Variants in TOMM40L observed in about 807,000 individuals in gnomAD.
TOMM40L encodes translocase of outer mitochondrial membrane 40 like, also known as mitochondrial import receptor subunit TOM40B.
In TOMM40L, 17 loss-of-function variants were observed where a neutral mutation model predicts 38.3. The observed-to-expected ratio is 0.44, with a 90% CI of 0.30 to 0.67. TOMM40L has a LOEUF of 0.67. TOMM40L is among the 30% of genes least tolerant of loss of function. The pLI, the probability that TOMM40L is intolerant of heterozygous loss-of-function variation, is 0.08. For missense variants in TOMM40L, 294 were observed against 390.0 expected, an observed-to-expected ratio of 0.75 and a Z score of 2.07; for synonymous variants, 151 against 150.2, an observed-to-expected ratio of 1.01 and a Z score of -0.04.
At position 161,229,535 on chromosome 1, in the gene TOMM40L, C is replaced by T; in HGVS notation, c.*440C>T. 8.7e-7 allele frequency: 1 copy of T among 1,153,566 alleles called. No homozygotes were observed. The highest frequency in any genetic ancestry group is 1.2e-6 in the Non-Finnish European group (1 of 813,814). 71.5% of individuals were successfully genotyped at this position (1,153,566 alleles called of 1,614,324 possible). A position where few individuals can be genotyped will look rare whatever the true frequency, so the allele number is the denominator to read the frequency against. ...ATGTTTGGTCTCAGGAAGTGGGGCC[C>T]ACCCATTCCCAGAAGGAGCTTCTTT... On this transcript the variant is annotated 3_prime_UTR_variant, in exon 10 of 10. Coordinates refer to ENST00000367988, the MANE Select transcript of TOMM40L (RefSeq NM_032174.6).
Position 161,229,279 on chromosome 1 carries a change from A to G in TOMM40L, c.*184A>G. The G allele has an allele frequency of 1.3e-6, 1 of 781,890 alleles. No individual in the cohort carries two copies. The highest frequency in any genetic ancestry group is 2.0e-6 in the Non-Finnish European group (1 of 499,534). 48.4% of individuals were successfully genotyped at this position (781,890 alleles called of 1,614,324 possible). ...GCCACAGGGGCAGTTGATGAGGCAG[A>G]GGTTTGAGGATCCCCCCTCTGCTAC... On this transcript the variant is annotated 3_prime_UTR_variant, in exon 10 of 10. Transcript: ENST00000367988.
rs1666922945 is a variant in TOMM40L at position 161,230,512 on chromosome 1, A to G, written c.*1417A>G. On this transcript the variant is annotated 3_prime_UTR_variant, in exon 10 of 10. Coordinates refer to ENST00000367988, the MANE Select transcript of TOMM40L (RefSeq NM_032174.6). ...TTAGTCTGGAGAAGTTGGACTAGTG[A>G]GGTAATGGATGTCATCAATCTCAGG... 1 of 532,662 alleles carries G rather than the reference A, an allele frequency of 1.9e-6. No individual in the cohort carries two copies. The highest frequency in any genetic ancestry group is 3.3e-6 in the Non-Finnish European group (1 of 303,850). 33.0% of individuals were successfully genotyped at this position (532,662 alleles called of 1,614,324 possible).
At position 161,228,409 on chromosome 1, in the gene TOMM40L, T is replaced by C. The variant is rs1366630488; in HGVS notation, c.608-19T>C. The C allele has an allele frequency of 2.5e-6, 4 of 1,613,942 alleles. No homozygotes were observed. The highest frequency in any genetic ancestry group is 3.3e-5 in the Admixed American group (2 of 59,974). The stretch of plus-strand genomic sequence containing the variant: ...ACTACAGTTAACACTCCTTCCCCTC[T>C]GTACTTTGGATTTTACAGCTGTACA... On this transcript the variant is annotated intron_variant, in intron 7 of 9. Transcript: ENST00000367988.
intron 6 of TOMM40L, 54 bp downstream of exon 6, chr1:161,228,043 A>C (rs1314066991): frequency 1.9e-6 from 3 of 1,604,336 alleles, no homozygotes. Flanking sequence ...TGCTAATGTT[A>C]CTATGCCTCT....
rs756319764 is a variant in TOMM40L at position 161,228,208 on chromosome 1, G to A, written c.507G>A (p.Leu169=). 6 of 1,600,336 alleles carry A rather than the reference G, an allele frequency of 3.7e-6. No homozygotes were observed. Among genetic ancestry groups the A allele is most frequent in the African/African-American group, 1.3e-5 (1 of 74,678 alleles). ...CAGTGATCATGGTTGCTCACTTCCT[G>A]CAGAGCCTCACTCATCGGCTGGTGC... is the stretch of plus-strand genomic sequence containing the variant. ...GESVIMVAHF[L]QSLTHRLVLG... is the part of the protein sequence containing the mutation. The change falls in exon 7 of 10, where the codon CTG becomes CTA. Residue 169 remains leucine, a synonymous_variant. Coordinates refer to ENST00000367988, the MANE Select transcript of TOMM40L (RefSeq NM_032174.6).
chr1:161,228,062 T>A (rs568286321), intron 6 of TOMM40L, 73 bp downstream of exon 6: 79 of 1,599,284 alleles, frequency 4.9e-5, no homozygotes, highest in Non-Finnish European at 6.6e-5. Context: ...CTTCATCTTC[T>A]GTACAGTTTG....
Position 161,230,370 on chromosome 1 carries a change from T to C in TOMM40L, c.*1275T>C. ...TGGATAAATCACAGACTATTGAACCTGGAACTGGCTTTGACCATGAAACTG... is the reference window on the plus strand; with the variant it reads ...TGGATAAATCACAGACTATTGAACCCGGAACTGGCTTTGACCATGAAACTG... On this transcript the variant is annotated 3_prime_UTR_variant, in exon 10 of 10. Coordinates refer to ENST00000367988, the MANE Select transcript of TOMM40L (RefSeq NM_032174.6). 2 of 326,204 alleles carry C rather than the reference T, an allele frequency of 6.1e-6. No individual in the cohort carries two copies. Among genetic ancestry groups the C allele is most frequent in the Non-Finnish European group, 1.1e-5 (2 of 177,808 alleles). 20.2% of individuals were successfully genotyped at this position (326,204 alleles called of 1,614,324 possible). A position where few individuals can be genotyped will look rare whatever the true frequency, so the allele number is the denominator to read the frequency against.
chr1:161,227,889 G>A lies in TOMM40L; in HGVS notation c.384G>A (p.Gln128=), dbSNP rs747454373. 3.5e-5 allele frequency: 56 copies of A among 1,614,020 alleles called. No homozygotes were observed. The highest frequency in any genetic ancestry group is 1.9e-5 in the Non-Finnish European group (23 of 1,179,996). ...RLRAKAVFQT[Q]QAKFLTWQFD... ...TTCTTGCTCTTGCCACCCAGACGCA[G>A]CAGGCCAAGTTCCTGACATGGCAGT... The change falls in exon 6 of 10, where the codon CAG becomes CAA. Residue 128 remains glutamine, a synonymous_variant. Transcript: ENST00000367988.
intron 3 of TOMM40L, 90 bp from the exon 4 acceptor site, chr1:161,227,168 C>A: frequency 2.2e-6 from 3 of 1,336,124 alleles, no homozygotes; most frequent in Non-Finnish European, 2.1e-6. Context: ...TCTTGAGAGG[C>A]CCTCTGGATG....
Position 161,226,522 on chromosome 1 carries a change from G to A in TOMM40L, c.33G>A (p.Gly11=), listed in dbSNP as rs180981915. 6.2e-7 allele frequency: 1 copy of A among 1,614,094 alleles called. No homozygotes were observed. The highest frequency in any genetic ancestry group is 1.7e-5 in the Admixed American group (1 of 60,012). ...ACACATTGGGCCTGGCACCAATGGGGACTTTGCCCCGCCGGAGCCCCCGCC... is the reference window on the plus strand; with the variant it reads ...ACACATTGGGCCTGGCACCAATGGGAACTTTGCCCCGCCGGAGCCCCCGCC... MGNTLGLAPM[G]TLPRRSPRRE... is the part of the protein sequence containing the mutation. Residue 11 remains glycine, a synonymous_variant, in exon 2 of 10, where the codon GGG becomes GGA. Coordinates refer to ENST00000367988, the MANE Select transcript of TOMM40L (RefSeq NM_032174.6).
rs762380913 is a variant in TOMM40L at position 161,228,474 on chromosome 1, T to C, written c.654T>C (p.His218=). 2 of 1,614,130 alleles carry C rather than the reference T, an allele frequency of 1.2e-6. No individual in the cohort carries two copies. Among genetic ancestry groups the C allele is most frequent in the East Asian group, 2.2e-5 (1 of 44,888 alleles). ...TGAATGTGGGATCAGGCGGGGCCCA[T>C]GCAAGTTACTACCACAGGGCAAATG... The part of the protein sequence containing the change: ...ATLNVGSGGA[H]ASYYHRANEQ... The change falls in exon 8 of 10, where the codon CAT becomes CAC. Residue 218 remains histidine (H), a synonymous_variant. Transcript: ENST00000367988.
rs1339329765 is a variant in TOMM40L, at chr1:161,230,576, T to A, written c.*1481T>A. 3.3e-6 allele frequency: 2 copies of A among 604,368 alleles called. No homozygotes were observed. Among genetic ancestry groups the A allele is most frequent in the African/African-American group, 3.7e-5 (2 of 53,656 alleles). 37.4% of individuals were successfully genotyped at this position (604,368 alleles called of 1,614,324 possible). ...AGAGCCTCTGAGCTACTACTTTGCA[T>A]CTGTACTGAATAAAAAAAAAATCTG... On this transcript the variant is annotated 3_prime_UTR_variant, in exon 10 of 10. Transcript: ENST00000367988.
At chr1:161,226,681 A>T in intron 2 of TOMM40L, 77 bp downstream of exon 2, 2 of 1,469,124 alleles carry the variant, frequency 1.4e-6, no homozygotes, top group Non-Finnish European at 1.9e-6. Context: ...ATGTCCGGCG[A>T]TGGGAGCAGG....
rs1250448405 is a variant in TOMM40L, at chr1:161,226,368, C to A, written c.-122C>A. On this transcript the variant is annotated 5_prime_UTR_variant, in exon 2 of 10. Transcript: ENST00000367988. ...TTCCTGTTCCAGGTGTAGCGTCGGA[C>A]CATGTGGAAGTTTCTGAGGCTGGGG... 2.5e-6 allele frequency: 2 copies of A among 798,190 alleles called. No homozygotes were observed. Among genetic ancestry groups the A allele is most frequent in the African/African-American group, 1.7e-5 (1 of 57,328 alleles). 49.4% of individuals were successfully genotyped at this position (798,190 alleles called of 1,614,324 possible).
rs1285275279 is a variant in TOMM40L, at chr1:161,230,582, C to T, written c.*1487C>T. On this transcript the variant is annotated 3_prime_UTR_variant, in exon 10 of 10. Transcript: ENST00000367988. ...TCTGAGCTACTACTTTGCATCTGTA[C>T]TGAATAAAAAAAAAATCTGGAAAAA... 2 of 617,956 alleles carry T rather than the reference C, an allele frequency of 3.2e-6. No homozygotes were observed. The highest frequency in any genetic ancestry group is 3.7e-5 in the African/African-American group (2 of 53,728). 38.3% of individuals were successfully genotyped at this position (617,956 alleles called of 1,614,324 possible).
Position 161,229,010 on chromosome 1 carries a change from C to T in TOMM40L, c.842C>T (p.Pro281Leu), listed in dbSNP as rs756559614. 9 of 1,614,088 alleles carry T rather than the reference C, an allele frequency of 5.6e-6. No homozygotes were observed. The highest frequency in any genetic ancestry group is 7.6e-6 in the Non-Finnish European group (9 of 1,180,042). Residue 281 changes from proline (P) to leucine (L), a missense_variant, in exon 10 of 10, where the codon CCT (proline) becomes CTT (leucine). By Grantham distance (98) the Pro-to-Leu change is moderately conservative. Coordinates refer to ENST00000367988, the MANE Select transcript of TOMM40L (RefSeq NM_032174.6). ...GCTGTGCTGGAGAAGAAGATGCCCCCTCTGCCTGTCACCCTAGCCCTTGGA... is the reference window on the plus strand; with the variant it reads ...GCTGTGCTGGAGAAGAAGATGCCCCTTCTGCCTGTCACCCTAGCCCTTGGA... The part of the protein sequence containing the change: ...VGAVLEKKMP[P>L]LPVTLALGAF...
intron 6 of TOMM40L, 47 bp downstream of exon 6, chr1:161,228,036 T>C (rs760214380): frequency 6.2e-7 from 1 of 1,606,438 alleles, no homozygotes; most frequent in Non-Finnish European, 8.5e-7. Context: ...GCCCATTTGC[T>C]AATGTTACTA....
intron 4 of TOMM40L, 36 bp from the exon 5 acceptor site, chr1:161,227,600 C>T: frequency 6.3e-7 from 1 of 1,577,806 alleles, no homozygotes; most frequent in South Asian, 1.1e-5. Context: ...TGGTGCCATC[C>T]GGCTCAGCCT....
chr1:161,227,105 C>T, intron 3 of TOMM40L, 150 bp downstream of exon 3: 1 of 1,192,566 alleles, frequency 8.4e-7, no homozygotes, highest in Non-Finnish European at 1.2e-6. Context: ...GCCTGTGGGA[C>T]TTGTTGCTTT....
Sources: gnomAD v4.1 joint callset for allele counts on GRCh38, gnomAD v4.1.1 for gene constraint, MANE v1.5 for transcripts, NCBI Gene and HGNC (gene_info 2026-07-23, HGNC 2026-07-21) for gene names.